GRIN3B: variants seen among roughly 807,000 people sequenced by gnomAD.
The protein encoded by GRIN3B is glutamate ionotropic receptor NMDA type subunit 3B.
A neutral mutation model predicts 66.0 loss-of-function variants in GRIN3B; 77 were observed. The observed-to-expected ratio is 1.17, with a 90% CI of 0.97 to 1.41. GRIN3B has a LOEUF of 1.41. Ranked by LOEUF, GRIN3B falls within the 40% of genes most tolerant of loss-of-function variation. The pLI is 0.00. For missense variants in GRIN3B, 1,787 were observed against 1,564.5 expected (o/e 1.14, Z -2.40); for synonymous variants, 823 against 749.7 (o/e 1.10, Z -1.60).
Position 1,003,274 on chromosome 19 carries a change from TGGACAAGCC to T in GRIN3B, c.574_582del (p.Thr192_Arg194del). ...GGACCCCGGCGGCCTGGTGGCCCTC[TGGACAAGCC>T]GGGCTGGCCGGCCCCCACAGCTGGT... On this transcript the variant is annotated inframe_deletion, in exon 2 of 9. Coordinates refer to ENST00000234389, the MANE Select transcript of GRIN3B (RefSeq NM_138690.3). 6.4e-7 allele frequency: 1 copy of T among 1,572,632 alleles called. No homozygotes were observed. The highest frequency in any genetic ancestry group is 8.6e-7 in the Non-Finnish European group (1 of 1,161,156).
In GRIN3B at chr19:1,000,599, C is replaced by CGCCGCCCTGGCCCGG. The variant is rs935727883; in HGVS notation, c.174_188dup (p.Arg59_Ala63dup). 442 of 1,040,254 alleles carry CGCCGCCCTGGCCCGG rather than the reference C, an allele frequency of 4.2e-4. No individual in the cohort carries two copies. Among genetic ancestry groups the CGCCGCCCTGGCCCGG allele is most frequent in the Admixed American group, 2.1e-3 (36 of 17,456 alleles). 64.4% of individuals were successfully genotyped at this position (1,040,254 alleles called of 1,614,324 possible). A position where few individuals can be genotyped will look rare whatever the true frequency, so the allele number is the denominator to read the frequency against. On this transcript the variant is annotated inframe_insertion, in exon 1 of 9. Coordinates refer to ENST00000234389, the MANE Select transcript of GRIN3B (RefSeq NM_138690.3). Reference sequence around the variant, plus strand: ...CGCCTCTCGCCCGCGCCCGCGCCCGCGCCGCCCTGGCCCGGGCCGCCCTGG... The same window carrying CGCCGCCCTGGCCCGG: ...CGCCTCTCGCCCGCGCCCGCGCCCGCGCCGCCCTGGCCCGGGCCGCCCTGGCCCGGGCCGCCCTGG...
Position 1,005,634 on chromosome 19 carries a change from C to A in GRIN3B, c.2052+81C>A. The stretch of plus-strand genomic sequence containing the variant: ...CTGGGCTGTGTGGGGCAGGGGTGGT[C>A]AGCTGGACGTGGAGGACGTCCACTA... On this transcript the variant is annotated intron_variant, in intron 3 of 8. Transcript: ENST00000234389. The surrounding 1 kb of genome is among the most constrained non-coding windows in gnomAD (Gnocchi z 5.2). The A allele has an allele frequency of 1.8e-6, 2 of 1,137,730 alleles. No individual in the cohort carries two copies. The highest frequency in any genetic ancestry group is 1.6e-5 in the South Asian group (1 of 62,090). The allele number at this position is 1,137,730 out of a possible 1,614,324, so 70.5% of individuals were successfully genotyped here. A position where few individuals can be genotyped will look rare whatever the true frequency, so the allele number is the denominator to read the frequency against.
rs2038827563 is a variant in GRIN3B at position 1,009,647 on chromosome 19, G to C, written c.*45G>C. Reference sequence around the variant, plus strand: ...GGGCTCAAGACACACACACAGCGCAGTGAGCCGCTGTCAACAGACAGTTTA... The same window carrying C: ...GGGCTCAAGACACACACACAGCGCACTGAGCCGCTGTCAACAGACAGTTTA... On this transcript the variant is annotated 3_prime_UTR_variant, in exon 9 of 9. Transcript: ENST00000234389. 3 of 1,327,682 alleles carry C rather than the reference G, an allele frequency of 2.3e-6. No individual in the cohort carries two copies. Among genetic ancestry groups the C allele is most frequent in the African/African-American group, 1.6e-5 (1 of 64,516 alleles). The allele number at this position is 1,327,682 out of a possible 1,614,324, so 82.2% of individuals were successfully genotyped here.
chr19:1,009,515 A>C lies in GRIN3B; in HGVS notation c.3045A>C (p.Ala1015=). The C allele has an allele frequency of 5.4e-6, 8 of 1,493,186 alleles. No homozygotes were observed. Among genetic ancestry groups the C allele is most frequent in the Non-Finnish European group, 7.1e-6 (8 of 1,127,066 alleles). The allele number at this position is 1,493,186 out of a possible 1,614,324, so 92.5% of individuals were successfully genotyped here. A position where few individuals can be genotyped will look rare whatever the true frequency, so the allele number is the denominator to read the frequency against. ...GQLLAQLGDS[A]RHRPRRLLQA... ...TCCTGGCACAGCTCGGGGACAGCGCACGTCACCGGCCTCGGCGCTTGCTTC... is the reference window on the plus strand; with the variant it reads ...TCCTGGCACAGCTCGGGGACAGCGCCCGTCACCGGCCTCGGCGCTTGCTTC... Residue 1015 remains alanine, a synonymous_variant, in exon 9 of 9, where the codon GCA becomes GCC. Coordinates refer to ENST00000234389, the MANE Select transcript of GRIN3B (RefSeq NM_138690.3).
chr19:1,006,252 G>A (rs999159440), intron 3 of GRIN3B, among the ~76,000 whole-genome samples: 9 of 151,720 alleles, frequency 5.9e-5, no homozygotes, highest in African/African-American at 1.5e-4. Flanking sequence ...GGGCTCAAGC[G>A]ATTCTCCTGC....
At chr19:1,008,975 C>T (rs2038801509) in intron 8 of GRIN3B, 48 bp downstream of exon 8, 1 of 1,555,518 alleles carries the variant, frequency 6.4e-7, no homozygotes, top group African/African-American at 1.4e-5. Context: ...CCCAGACCCA[C>T]CACCCCACCA....
At position 1,000,643 on chromosome 19, in the gene GRIN3B, A is replaced by T; in HGVS notation, c.206A>T (p.Asn69Ile). ...GCCCTGGCGCCGCGGCTGCCGCACAACCTGAGCTTGGAGCTGGTGGTCGCC... is the reference window on the plus strand; with the variant it reads ...GCCCTGGCGCCGCGGCTGCCGCACATCCTGAGCTTGGAGCTGGTGGTCGCC... ...RAALAPRLPH[N>I]LSLELVVAAP... Residue 69 changes from asparagine (N) to isoleucine (I), a missense_variant, in exon 1 of 9, where the codon AAC (asparagine) becomes ATC (isoleucine). Asn to Ile is a moderately radical substitution (Grantham distance 149). Coordinates refer to ENST00000234389, the MANE Select transcript of GRIN3B (RefSeq NM_138690.3). 3 of 1,275,600 alleles carry T rather than the reference A, an allele frequency of 2.4e-6. No homozygotes were observed. Among genetic ancestry groups the T allele is most frequent in the Non-Finnish European group, 3.0e-6 (3 of 1,009,468 alleles). The allele number at this position is 1,275,600 out of a possible 1,614,324, so 79.0% of individuals were successfully genotyped here.
chr19:1,005,410 C>A lies in GRIN3B; in HGVS notation c.1909C>A (p.Pro637Thr). 2 of 1,613,662 alleles carry A rather than the reference C, an allele frequency of 1.2e-6. No individual in the cohort carries two copies. The highest frequency in any genetic ancestry group is 1.7e-6 in the Non-Finnish European group (2 of 1,179,986). ...CAGACGCACCGTGTCCAGCAAGACG[C>A]CCAAGTGCCCCACGGGCCGCCTGCT... ...LFRRTVSSKT[P>T]KCPTGRLLMN... The change falls in exon 3 of 9, where the codon CCC becomes ACC. Residue 637 changes from proline to threonine, a missense_variant. Coordinates refer to ENST00000234389, the MANE Select transcript of GRIN3B (RefSeq NM_138690.3). This position sits in a 1 kb window ranked among gnomAD's most constrained non-coding sequence, Gnocchi z 5.2.
At chr19:1,008,561 C>A (rs981081283) in intron 6 of GRIN3B, 57 bp from the exon 7 acceptor site, 1 of 1,554,532 alleles carries the variant, frequency 6.4e-7, no homozygotes. Flanking sequence ...TAGTTCAAGG[C>A]TCCCCAGGGG....
intron 3 of GRIN3B, among the ~76,000 whole-genome samples, chr19:1,006,815 C>T (rs2038753715): frequency 6.6e-6 from 1 of 152,206 alleles, no homozygotes; most frequent in South Asian, 2.1e-4. Context: ...CACAGCTGAG[C>T]CGTCAAAGCC....
At chr19:1,006,180 G>T (rs2038746899) in intron 3 of GRIN3B, among the ~76,000 whole-genome samples, 1 of 151,526 alleles carries the variant, frequency 6.6e-6, no homozygotes, top group South Asian at 2.1e-4. Flanking sequence ...AGACAGTCTT[G>T]CTCCATCGCC....
In GRIN3B at chr19:1,009,340, G is replaced by C; in HGVS notation, c.2870G>C (p.Arg957Pro). The change falls in exon 9 of 9, where the codon CGA (arginine) becomes CCA (proline). Residue 957 changes from arginine to proline, a missense_variant. Transcript: ENST00000234389. ...EADAEAEAAP[R>P]EGPVWLCSYG... ...GACGCGGAGGCGGAGGCTGCGCCGC[G>C]AGAGGGCCCCGTCTGGCTGTGCTCC... is the stretch of plus-strand genomic sequence containing the variant. The C allele has an allele frequency of 6.4e-6, 9 of 1,395,832 alleles. No homozygotes were observed. The highest frequency in any genetic ancestry group is 1.6e-5 in the South Asian group (1 of 64,286). 86.5% of individuals were successfully genotyped at this position (1,395,832 alleles called of 1,614,324 possible).
In GRIN3B at chr19:1,005,351, C is replaced by T. The variant is rs1456227175; in HGVS notation, c.1850C>T (p.Ser617Phe). ...AACCGCAGCACCGTCTTCTCCTACT[C>T]CTCAGCCCTCAACCTGTGCTACGCC... ...GRNRSTVFSYSSALNLCYAIL... is the reference protein window; with the variant it reads ...GRNRSTVFSYFSALNLCYAIL... Residue 617 changes from serine to phenylalanine, a missense_variant, in exon 3 of 9, where the codon TCC (serine) becomes TTC (phenylalanine). Physicochemically the swap from Ser to Phe is radical, Grantham distance 155. Transcript: ENST00000234389. The surrounding 1 kb of genome is among the most constrained non-coding windows in gnomAD (Gnocchi z 5.2). The T allele has an allele frequency of 1.2e-6, 2 of 1,613,776 alleles. No individual in the cohort carries two copies. Among genetic ancestry groups the T allele is most frequent in the Non-Finnish European group, 1.7e-6 (2 of 1,180,002 alleles).
At position 1,009,377 on chromosome 19, in the gene GRIN3B, G is replaced by T; in HGVS notation, c.2907G>T (p.Pro969=). ...TCTGGCTGTGCTCCTACGGCCGCCC[G>T]CCCGCCGCAAGGCCCACGGGGGCCC... is the stretch of plus-strand genomic sequence containing the variant. ...GPVWLCSYGR[P]PAARPTGAPQ... is the part of the protein sequence containing the mutation. The change falls in exon 9 of 9, where the codon CCG becomes CCT. Residue 969 remains proline, a synonymous_variant. Transcript: ENST00000234389. 3 of 1,372,600 alleles carry T rather than the reference G, an allele frequency of 2.2e-6. No homozygotes were observed. Among genetic ancestry groups the T allele is most frequent in the South Asian group, 1.6e-5 (1 of 61,762 alleles). The allele number at this position is 1,372,600 out of a possible 1,614,324, so 85.0% of individuals were successfully genotyped here.
At chr19:1,006,854 T>G (rs1030430334) in intron 3 of GRIN3B, among the ~76,000 whole-genome samples, 3 of 152,224 alleles carry the variant, frequency 2.0e-5, no homozygotes, top group Non-Finnish European at 4.4e-5. Context: ...TTCCATCAGA[T>G]GCTGCTGACC....
At position 1,005,194 on chromosome 19, in the gene GRIN3B, C is replaced by T; in HGVS notation, c.1693C>T (p.Pro565Ser). ...GGTGCGGGCACGGGACACGGCCTCA[C>T]CCATCGGTGCCTTTATGTGGCCCCT... is the stretch of plus-strand genomic sequence containing the variant. The part of the protein sequence containing the change: ...IMVRARDTAS[P>S]IGAFMWPLHW... The change falls in exon 3 of 9, where the codon CCC becomes TCC. Residue 565 changes from proline to serine, a missense_variant. By Grantham distance (74) the Pro-to-Ser change is moderately conservative. Transcript: ENST00000234389. The surrounding 1 kb of genome is among the most constrained non-coding windows in gnomAD (Gnocchi z 5.2). The T allele has an allele frequency of 5.6e-6, 9 of 1,613,546 alleles. No homozygotes were observed. The highest frequency in any genetic ancestry group is 7.6e-6 in the Non-Finnish European group (9 of 1,179,950).
Position 1,004,810 on chromosome 19 carries a change from G to A in GRIN3B, c.1309G>A (p.Gly437Arg), listed in dbSNP as rs781058218. The A allele has an allele frequency of 1.7e-5, 27 of 1,612,670 alleles. No homozygotes were observed. In the Middle Eastern group the frequency reaches 4.9e-4, roughly 29 times the overall value. Residue 437 changes from glycine to arginine, a missense_variant, in exon 3 of 9, where the codon GGG becomes AGG. Physicochemically the swap from Gly to Arg is moderately radical, Grantham distance 125 (BLOSUM62 -2). Coordinates refer to ENST00000234389, the MANE Select transcript of GRIN3B (RefSeq NM_138690.3). ...GTTTGCCCGTGATCCAGACGAAGAC[G>A]GGCAGTGCCCAGCGGGGCAGCTGTG... is the stretch of plus-strand genomic sequence containing the variant. ...FVFARDPDED[G>R]QCPAGQLCLD...
intron 1 of GRIN3B, chr19:1,002,196 G>T (rs2038690382): frequency 6.6e-6 from 1 of 152,042 alleles, no homozygotes; most frequent in Admixed American, 6.6e-5. Flanking sequence ...GGGCGTGGTG[G>T]TGGGTGCTTG....
rs543762684 is a variant in GRIN3B, at chr19:1,008,795, T to TGGGCGGC, written c.2631+21_2631+27dup. 4,416 of 1,596,256 alleles carry TGGGCGGC rather than the reference T, an allele frequency of 2.8e-3. 27 individuals carry two copies. The highest frequency in any genetic ancestry group is 0.019 in the African/African-American group (1,434 of 74,038). ...GCACACCAGCCAGGTGGGGAGCGGG[T>TGGGCGGC]GGGCGGCGGGCGGCCCCACCCCCCC... On this transcript the variant is annotated intron_variant, in intron 7 of 8. Transcript: ENST00000234389.
Sources: allele counts gnomAD v4.1 joint callset (sites outside exome capture counted in the v4.1 genomes callset), GRCh38; gene constraint gnomAD v4.1.1; non-coding constraint Gnocchi (gnomAD v3.1); transcripts MANE v1.5; gene names NCBI Gene and HGNC (gene_info 2026-07-23, HGNC 2026-07-21).